TUBG2: variants seen among roughly 807,000 people sequenced by gnomAD.
The protein encoded by TUBG2 is tubulin gamma 2.
TUBG2 carries 39 observed loss-of-function variants against 55.1 expected under a neutral mutation model. The ratio of observed to expected loss-of-function variants is 0.71; its 90% CI spans 0.55 to 0.93. The LOEUF is 0.93. Among genes scored for constraint, TUBG2 ranks in the 40% least tolerant of loss-of-function variants. The probability of loss-of-function intolerance (pLI) is 0.00; values close to 1 mark genes in which losing one functional copy is unlikely to be tolerated. For synonymous variants in TUBG2, 223 were observed against 241.0 expected, an observed-to-expected ratio of 0.93 and a Z score of 0.69; for missense variants, 358 against 599.1, an observed-to-expected ratio of 0.60 and a Z score of 4.20.
At position 42,659,523 on chromosome 17, in the gene TUBG2, C is replaced by A; in HGVS notation, c.20C>A (p.Thr7Asn). The A allele has an allele frequency of 6.4e-7, 1 of 1,553,584 alleles. No homozygotes were observed. Among genetic ancestry groups the A allele is most frequent in the Non-Finnish European group, 8.7e-7 (1 of 1,149,188 alleles). ...AGAGCGATGCCCCGGGAGATCATCA[C>A]CCTGCAGCTGGGCCAGTGCGGCAAC... MPREII[T>N]LQLGQCGNQI... Residue 7 changes from threonine (T) to asparagine (N), a missense_variant, in exon 1 of 11, where the codon ACC becomes AAC. By Grantham distance (65) the Thr-to-Asn change is moderately conservative. Transcript: ENST00000251412.
chr17:42,664,258 G>A (rs946168660), intron 6 of TUBG2, among the ~76,000 whole-genome samples: 3 of 139,716 alleles, frequency 2.1e-5, no homozygotes, highest in South Asian at 2.4e-4. Context: ...CTTGGGCAAC[G>A]GAACAAGACC....
At chr17:42,660,822 T>G (rs2052366404) in intron 4 of TUBG2, 115 bp downstream of exon 4, 1 of 799,332 alleles carries the variant, frequency 1.3e-6, no homozygotes, top group African/African-American at 1.7e-5. Context: ...CAAAACCCGT[T>G]TATGGAGCAT....
At chr17:42,662,600 C>T (rs1225702292) in intron 4 of TUBG2, among the ~76,000 whole-genome samples, 1 of 148,536 alleles carries the variant, frequency 6.7e-6, no homozygotes, top group Non-Finnish European at 1.5e-5. Flanking sequence ...AGCAAGACTC[C>T]GTCTCAAAAA....
Position 42,662,961 on chromosome 17 carries a change from G to C in TUBG2, c.400-12G>C. Reference sequence around the variant, plus strand: ...GGAGAAACTGAGTCTGTTTATTCCTGTATACACACAGGGCTTCGTGCTGTG... The same window carrying C: ...GGAGAAACTGAGTCTGTTTATTCCTCTATACACACAGGGCTTCGTGCTGTG... On this transcript the variant is annotated splice_polypyrimidine_tract_variant and intron_variant, in intron 4 of 10. Coordinates refer to ENST00000251412, the MANE Select transcript of TUBG2 (RefSeq NM_016437.3). The C allele has an allele frequency of 5.6e-6, 9 of 1,613,290 alleles. No homozygotes were observed. The highest frequency in any genetic ancestry group is 7.6e-6 in the Non-Finnish European group (9 of 1,179,656).
intron 5 of TUBG2, 60 bp from the exon 6 acceptor site, chr17:42,663,317 T>C (rs755938537): frequency 1.2e-6 from 2 of 1,606,810 alleles, no homozygotes; most frequent in Non-Finnish European, 1.7e-6. Flanking sequence ...AAATGGCACA[T>C]ATGGGCAGTG....
At chr17:42,665,024 T>C (rs1042230452) in intron 6 of TUBG2, among the ~76,000 whole-genome samples, 2 of 150,752 alleles carry the variant, frequency 1.3e-5, no homozygotes, top group Admixed American at 6.6e-5. Flanking sequence ...AGTACTTTTA[T>C]TTTATTTTAT....
Position 42,659,531 on chromosome 17 carries a change from C to A in TUBG2, c.28C>A (p.Leu10Met). The change falls in exon 1 of 11, where the codon CTG becomes ATG. Residue 10 changes from leucine to methionine, a missense_variant. By Grantham distance (15) the Leu-to-Met change is conservative (BLOSUM62 2). Coordinates refer to ENST00000251412, the MANE Select transcript of TUBG2 (RefSeq NM_016437.3). ...GCCCCGGGAGATCATCACCCTGCAG[C>A]TGGGCCAGTGCGGCAACCAGAGTGA... MPREIITLQ[L>M]GQCGNQIGFE... 6.4e-7 allele frequency: 1 copy of A among 1,552,604 alleles called. No individual in the cohort carries two copies. Among genetic ancestry groups the A allele is most frequent in the South Asian group, 1.2e-5 (1 of 84,020 alleles).
chr17:42,663,976 A>G (rs1477214019), intron 6 of TUBG2, among the ~76,000 whole-genome samples: 1 of 148,204 alleles, frequency 6.7e-6, no homozygotes, highest in Non-Finnish European at 1.5e-5. Flanking sequence ...TCCTGGTAGC[A>G]TGTGCCTGTA....
rs557934333 is a variant in TUBG2 at position 42,660,641 on chromosome 17, T to G, written c.333T>G (p.Gly111=). ...GNNWASGFSQ[G]EKIHEDIFDI... The stretch of plus-strand genomic sequence containing the variant: ...TCCCTTTCCATATCTCTATACAGGG[T>G]GAGAAAATTCATGAAGACATCTTTG... The change falls in exon 4 of 11, where the codon GGT becomes GGG. Residue 111 remains glycine (G), a splice_region_variant and synonymous_variant. Coordinates refer to ENST00000251412, the MANE Select transcript of TUBG2 (RefSeq NM_016437.3). The G allele has an allele frequency of 6.2e-7, 1 of 1,613,462 alleles. No individual in the cohort carries two copies. The highest frequency in any genetic ancestry group is 1.1e-5 in the South Asian group (1 of 91,020).
Position 42,660,256 on chromosome 17 carries a change from C to T in TUBG2, c.270C>T (p.Asn90=), listed in dbSNP as rs1183046941. Residue 90 remains asparagine (N), a synonymous_variant, in exon 3 of 11, where the codon AAC becomes AAT. Coordinates refer to ENST00000251412, the MANE Select transcript of TUBG2 (RefSeq NM_016437.3). ...SPYAKLYNPE[N]IYLSEHGGGA... Reference sequence around the variant, plus strand: ...ATGCCAAGCTCTACAACCCAGAGAACATCTACCTGTCGGAACATGGAGGAG... The same window carrying T: ...ATGCCAAGCTCTACAACCCAGAGAATATCTACCTGTCGGAACATGGAGGAG... 1 of 1,613,944 alleles carries T rather than the reference C, an allele frequency of 6.2e-7. No individual in the cohort carries two copies. The highest frequency in any genetic ancestry group is 2.2e-5 in the East Asian group (1 of 44,876).
rs2052562838 is a variant in TUBG2 at position 42,666,900 on chromosome 17, G to C, written c.*100G>C. On this transcript the variant is annotated 3_prime_UTR_variant, in exon 11 of 11. Transcript: ENST00000251412. ...CTTCACCTCATGGACAACCCTTCTTGGTTCATCTCCAGCCCGTGAGCTGGT... is the reference window on the plus strand; with the variant it reads ...CTTCACCTCATGGACAACCCTTCTTCGTTCATCTCCAGCCCGTGAGCTGGT... 1.1e-5 allele frequency: 14 copies of C among 1,323,910 alleles called. 2 individuals are homozygous for C. In the South Asian group the frequency reaches 1.7e-4, roughly 16 times the overall value. 82.0% of individuals were successfully genotyped at this position (1,323,910 alleles called of 1,614,324 possible).
chr17:42,666,926 C>A lies in TUBG2; in HGVS notation c.*126C>A. The A allele has an allele frequency of 1.1e-6, 1 of 912,894 alleles. No homozygotes were observed. Among genetic ancestry groups the A allele is most frequent in the Non-Finnish European group, 1.7e-6 (1 of 599,126 alleles). 56.5% of individuals were successfully genotyped at this position (912,894 alleles called of 1,614,324 possible). A position where few individuals can be genotyped will look rare whatever the true frequency, so the allele number is the denominator to read the frequency against. ...GTTCATCTCCAGCCCGTGAGCTGGT[C>A]CTGCTTCCTCCCTTCCATGCCCTAA... On this transcript the variant is annotated 3_prime_UTR_variant, in exon 11 of 11. Coordinates refer to ENST00000251412, the MANE Select transcript of TUBG2 (RefSeq NM_016437.3).
intron 4 of TUBG2, among the ~76,000 whole-genome samples, chr17:42,662,435 G>T (rs186556311): frequency 6.6e-6 from 1 of 151,772 alleles, no homozygotes; most frequent in African/African-American, 2.4e-5. Context: ...GTGAAACCCC[G>T]TATCTACGAA....
In TUBG2 at chr17:42,666,944, T is replaced by C. The variant is rs2052563789; in HGVS notation, c.*144T>C. 1.3e-6 allele frequency: 1 copy of C among 775,816 alleles called. No individual in the cohort carries two copies. The highest frequency in any genetic ancestry group is 2.1e-6 in the Non-Finnish European group (1 of 485,432). 48.1% of individuals were successfully genotyped at this position (775,816 alleles called of 1,614,324 possible). ...AGCTGGTCCTGCTTCCTCCCTTCCA[T>C]GCCCTAACTTTTAATATGCTTGTTC... is the stretch of plus-strand genomic sequence containing the variant. On this transcript the variant is annotated 3_prime_UTR_variant, in exon 11 of 11. Transcript: ENST00000251412.
intron 4 of TUBG2, chr17:42,661,490 G>A (rs1303788328): frequency 6.6e-6 from 1 of 152,190 alleles, no homozygotes; most frequent in Admixed American, 6.6e-5. Flanking sequence ...GGAAGGGAGA[G>A]GGGATGAAGA....
chr17:42,660,511 C>CT, intron 3 of TUBG2, 128 bp from the exon 4 acceptor site: 1 of 1,283,430 alleles, frequency 7.8e-7, no homozygotes, highest in Non-Finnish European at 1.1e-6. Context: ...GGGTTGAGGG[C>CT]TACAGCCTAG....
In TUBG2 at chr17:42,660,712, A is replaced by C; in HGVS notation, c.399+5A>C. Reference sequence around the variant, plus strand: ...GATGGAAGTGACAGTTTGGAGGTGAAGTTATGGAGTGGGGGAAGGAATGGG... The same window carrying C: ...GATGGAAGTGACAGTTTGGAGGTGACGTTATGGAGTGGGGGAAGGAATGGG... On this transcript the variant is annotated splice_donor_5th_base_variant and intron_variant, in intron 4 of 10. Transcript: ENST00000251412. The C allele has an allele frequency of 6.2e-7, 1 of 1,613,928 alleles. No individual in the cohort carries two copies. Among genetic ancestry groups the C allele is most frequent in the Non-Finnish European group, 8.5e-7 (1 of 1,179,872 alleles).
rs2052549188 is a variant in TUBG2, at chr17:42,666,503, T to A, written c.1158+19T>A. 6.2e-7 allele frequency: 1 copy of A among 1,614,024 alleles called. No individual in the cohort carries two copies. The highest frequency in any genetic ancestry group is 1.3e-5 in the African/African-American group (1 of 75,060). Reference sequence around the variant, plus strand: ...CTCCTCGGTGAGTCTAGGTTTCTATTCTTCTTAGAAGAGTCTGTTCCACTG... The same window carrying A: ...CTCCTCGGTGAGTCTAGGTTTCTATACTTCTTAGAAGAGTCTGTTCCACTG... On this transcript the variant is annotated intron_variant, in intron 10 of 10. Transcript: ENST00000251412.
intron 8 of TUBG2, 77 bp from the exon 9 acceptor site, chr17:42,666,010 T>G: frequency 1.2e-6 from 2 of 1,606,460 alleles, no homozygotes; most frequent in South Asian, 2.2e-5. Flanking sequence ...TCCCTCTGCC[T>G]TTGGCTTCTG....
Sources: gnomAD v4.1 joint callset for allele counts (sites outside exome capture counted in the v4.1 genomes callset) on GRCh38, gnomAD v4.1.1 for gene constraint, MANE v1.5 for transcripts, NCBI Gene and HGNC (gene_info 2026-07-23, HGNC 2026-07-21) for gene names.